HDAC3: variants seen among roughly 807,000 people sequenced by gnomAD.
HDAC3 encodes the protein SMAP45.
In HDAC3, 21 loss-of-function variants were observed where a neutral mutation model predicts 62.3. That is an observed-to-expected ratio of 0.34 (90% CI 0.24 to 0.49). The LOEUF (loss-of-function observed/expected upper bound fraction) is 0.49. Ranked by LOEUF, HDAC3 falls within the 20% of genes least tolerant of loss-of-function variation. HDAC3 has a pLI of 0.99. For synonymous variants in HDAC3, 198 were observed against 206.5 expected (o/e 0.96, Z 0.35); for missense variants, 270 against 556.9 (o/e 0.48, Z 5.19).
chr5:141,622,832 C>G (rs1285437135), intron 14 of HDAC3, among the ~76,000 whole-genome samples: 3 of 151,882 alleles, frequency 2.0e-5, no homozygotes, highest in Middle Eastern at 3.2e-3. Context: ...ACTTAAGTCT[C>G]GCCGGGGGCG....
At chr5:141,623,164 C>T (rs1160343273) in intron 14 of HDAC3, among the ~76,000 whole-genome samples, 1 of 152,102 alleles carries the variant, frequency 6.6e-6, no homozygotes, top group South Asian at 2.1e-4. Context: ...CTCTCTGAGC[C>T]TTAGATTCCT....
chr5:141,630,979 C>T (rs1482963541), intron 3 of HDAC3, among the ~76,000 whole-genome samples: 3 of 151,734 alleles, frequency 2.0e-5, no homozygotes, highest in Non-Finnish European at 4.4e-5. Context: ...GAGCCATCGG[C>T]GCTGGCCCTA....
rs1009208380 is a variant in HDAC3, at chr5:141,625,002, C to A, written c.1217+206G>T. On this transcript the variant is annotated intron_variant, in intron 14 of 14. Transcript: ENST00000305264. The surrounding 1 kb of genome is among the most constrained non-coding windows in gnomAD (Gnocchi z 4.0). The stretch of plus-strand genomic sequence containing the variant: ...GTCTGGGATTGTGTGAACGCCAACA[C>A]CATATTTTGGTGCTGTTTTAAAATT... 3.8e-5 allele frequency: 21 copies of A among 551,514 alleles called. No homozygotes were observed. Among genetic ancestry groups the A allele is most frequent in the Non-Finnish European group, 6.6e-5 (21 of 316,178 alleles). The allele number at this position is 551,514 out of a possible 1,614,324, so 34.2% of individuals were successfully genotyped here.
chr5:141,625,450 A>T lies in HDAC3; in HGVS notation c.1060-85T>A. The stretch of plus-strand genomic sequence containing the variant: ...CTCCTAGCTGCCTTTTACCCCTACC[A>T]TACTGGTTTTCATCTCAGTGGTACC... On this transcript the variant is annotated intron_variant, in intron 13 of 14. Coordinates refer to ENST00000305264, the MANE Select transcript of HDAC3 (RefSeq NM_003883.4). This position sits in a 1 kb window ranked among gnomAD's most constrained non-coding sequence, Gnocchi z 4.0. 6.8e-7 allele frequency: 1 copy of T among 1,479,818 alleles called. No individual in the cohort carries two copies. Among genetic ancestry groups the T allele is most frequent in the Non-Finnish European group, 9.4e-7 (1 of 1,064,616 alleles). 91.7% of individuals were successfully genotyped at this position (1,479,818 alleles called of 1,614,324 possible).
At position 141,624,024 on chromosome 5, in the gene HDAC3, A is replaced by G. The variant is rs2099904069; in HGVS notation, c.1217+1184T>C. On this transcript the variant is annotated intron_variant, in intron 14 of 14. Coordinates refer to ENST00000305264, the MANE Select transcript of HDAC3 (RefSeq NM_003883.4). Reference sequence around the variant, plus strand: ...TTCCATCTACAAATATTTTGTATGTATCTCAGAAAGATAAAGACTTTTAAA... The same window carrying G: ...TTCCATCTACAAATATTTTGTATGTGTCTCAGAAAGATAAAGACTTTTAAA... Among the ~76,000 whole-genome samples, 2 of 150,026 alleles carry G rather than the reference A, an allele frequency of 1.3e-5. 1 individual carries two copies. The highest frequency in any genetic ancestry group is 2.9e-5 in the Non-Finnish European group (2 of 67,820).
At position 141,629,519 on chromosome 5, in the gene HDAC3, A is replaced by G. The variant is rs1025473729; in HGVS notation, c.476+165T>C. On this transcript the variant is annotated intron_variant, in intron 6 of 14. Transcript: ENST00000305264. The surrounding 1 kb of genome is among the most constrained non-coding windows in gnomAD (Gnocchi z 5.3). ...ATGCAGAGAAGGCTGAAATGTGAGC[A>G]GGCAGTAGGGAATCTGCAGCAGTGG... 7 of 888,426 alleles carry G rather than the reference A, an allele frequency of 7.9e-6. No homozygotes were observed. The African/African-American group carries it at 8.3e-5, about 11-fold the overall frequency. The allele number at this position is 888,426 out of a possible 1,614,324, so 55.0% of individuals were successfully genotyped here.
At chr5:141,621,685 T>A in intron 14 of HDAC3, 148 bp from the exon 15 acceptor site, 1 of 640,122 alleles carries the variant, frequency 1.6e-6, no homozygotes, top group Non-Finnish European at 2.8e-6. Flanking sequence ...CATTCACGTA[T>A]CAAATAAACA....
chr5:141,621,590 C>A, intron 14 of HDAC3, 53 bp from the exon 15 acceptor site: 1 of 1,483,526 alleles, frequency 6.7e-7, no homozygotes, highest in Non-Finnish European at 9.4e-7. Flanking sequence ...CTAATCTTCT[C>A]CCAGCACCCT....
In HDAC3 at chr5:141,626,303, G is replaced by A. The variant is rs201545092; in HGVS notation, c.831-20C>T. 4 of 1,594,884 alleles carry A rather than the reference G, an allele frequency of 2.5e-6. No homozygotes were observed. The highest frequency in any genetic ancestry group is 1.1e-5 in the South Asian group (1 of 90,642). On this transcript the variant is annotated intron_variant, in intron 10 of 14. Coordinates refer to ENST00000305264, the MANE Select transcript of HDAC3 (RefSeq NM_003883.4). This position sits in a 1 kb window ranked among gnomAD's most constrained non-coding sequence, Gnocchi z 4.6. ...CATTCCCTGTTAAAAGGAACCAGAGGAAGATGTGGAGGAGGTTATCAAAAG... is the reference window on the plus strand; with the variant it reads ...CATTCCCTGTTAAAAGGAACCAGAGAAAGATGTGGAGGAGGTTATCAAAAG...
In HDAC3 at chr5:141,626,144, C is replaced by T. The variant is rs952816623; in HGVS notation, c.920+50G>A. 2.5e-6 allele frequency: 4 copies of T among 1,604,626 alleles called. No homozygotes were observed. The highest frequency in any genetic ancestry group is 2.6e-6 in the Non-Finnish European group (3 of 1,171,368). Reference sequence around the variant, plus strand: ...GACCCATGTGGCCATATCTGAGGGACACCCTAGCTCACACTGGACAACAGG... The same window carrying T: ...GACCCATGTGGCCATATCTGAGGGATACCCTAGCTCACACTGGACAACAGG... On this transcript the variant is annotated intron_variant, in intron 11 of 14. Coordinates refer to ENST00000305264, the MANE Select transcript of HDAC3 (RefSeq NM_003883.4). The surrounding 1 kb of genome is among the most constrained non-coding windows in gnomAD (Gnocchi z 4.6).
intron 10 of HDAC3, among the ~76,000 whole-genome samples, chr5:141,627,250 T>A (rs1452830260): frequency 2.0e-5 from 3 of 152,182 alleles, no homozygotes; most frequent in Non-Finnish European, 4.4e-5. Context: ...GATTTTGTTT[T>A]TTATTTTCTG....
chr5:141,630,136 G>C lies in HDAC3; in HGVS notation c.282-11C>G. On this transcript the variant is annotated splice_polypyrimidine_tract_variant and intron_variant, in intron 3 of 14. Coordinates refer to ENST00000305264, the MANE Select transcript of HDAC3 (RefSeq NM_003883.4). Reference sequence around the variant, plus strand: ...CCGGGAAACACTGGGCTGCAGGGAAGAGGAACAAGTTGGAACCCTCCTGCC... The same window carrying C: ...CCGGGAAACACTGGGCTGCAGGGAACAGGAACAAGTTGGAACCCTCCTGCC... 6.2e-7 allele frequency: 1 copy of C among 1,613,494 alleles called. No individual in the cohort carries two copies. Among genetic ancestry groups the C allele is most frequent in the Non-Finnish European group, 8.5e-7 (1 of 1,179,944 alleles).
rs2099904373 is a variant in HDAC3, at chr5:141,625,896, G to C, written c.979+117C>G. 2 of 1,279,154 alleles carry C rather than the reference G, an allele frequency of 1.6e-6. No individual in the cohort carries two copies. Among genetic ancestry groups the C allele is most frequent in the Non-Finnish European group, 2.3e-6 (2 of 875,818 alleles). The allele number at this position is 1,279,154 out of a possible 1,614,324, so 79.2% of individuals were successfully genotyped here. A position where few individuals can be genotyped will look rare whatever the true frequency, so the allele number is the denominator to read the frequency against. On this transcript the variant is annotated intron_variant, in intron 12 of 14. Transcript: ENST00000305264. This position sits in a 1 kb window ranked among gnomAD's most constrained non-coding sequence, Gnocchi z 4.0. ...TCTCTTCCCTGCTCTGAGCCCAGGG[G>C]TTTAGTCTGCAGAGCTCTGAGAGTG...
Position 141,622,467 on chromosome 5 carries a change from G to C in HDAC3, c.1218-930C>G, listed in dbSNP as rs530455772. Among the ~76,000 whole-genome samples, 14 of 152,242 alleles carry C rather than the reference G, an allele frequency of 9.2e-5. No individual in the cohort carries two copies. The East Asian group carries it at 2.5e-3, about 27-fold the overall frequency. On this transcript the variant is annotated intron_variant, in intron 14 of 14. Transcript: ENST00000305264. Reference sequence around the variant, plus strand: ...AAAAATACTAAAGTTAGCCGGGTGTGGTGGCACATGCCTGTAATCTCAGCT... The same window carrying C: ...AAAAATACTAAAGTTAGCCGGGTGTCGTGGCACATGCCTGTAATCTCAGCT...
At position 141,625,546 on chromosome 5, in the gene HDAC3, C is replaced by T; in HGVS notation, c.1059+139G>A. On this transcript the variant is annotated intron_variant, in intron 13 of 14. Coordinates refer to ENST00000305264, the MANE Select transcript of HDAC3 (RefSeq NM_003883.4). This position sits in a 1 kb window ranked among gnomAD's most constrained non-coding sequence, Gnocchi z 4.0. Reference sequence around the variant, plus strand: ...CCAACTGCCTCTACTTTAAACTGGACTGCCTCCTAGTCAATAACAGTGACT... The same window carrying T: ...CCAACTGCCTCTACTTTAAACTGGATTGCCTCCTAGTCAATAACAGTGACT... The T allele has an allele frequency of 1.9e-6, 2 of 1,079,854 alleles. No individual in the cohort carries two copies. The highest frequency in any genetic ancestry group is 2.8e-6 in the Non-Finnish European group (2 of 715,924). 66.9% of individuals were successfully genotyped at this position (1,079,854 alleles called of 1,614,324 possible).
In HDAC3 at chr5:141,624,575, A is replaced by AG. The variant is rs2099904191; in HGVS notation, c.1217+632_1217+633insC. 2.0e-5 allele frequency among the ~76,000 whole-genome samples: 3 copies of AG among 150,808 alleles called. No individual in the cohort carries two copies. The South Asian group carries it at 6.3e-4, about 31-fold the overall frequency. On this transcript the variant is annotated intron_variant, in intron 14 of 14. Transcript: ENST00000305264. ...CTGTCTCAAAAAAAAAAAAAAAAAA[A>AG]AAATTAATGCACACAGCCTTTGACC...
In HDAC3 at chr5:141,629,465, G is replaced by A; in HGVS notation, c.477-159C>T. The A allele has an allele frequency of 2.9e-6, 3 of 1,027,534 alleles. No homozygotes were observed. Among genetic ancestry groups the A allele is most frequent in the Non-Finnish European group, 1.4e-6 (1 of 695,170 alleles). The allele number at this position is 1,027,534 out of a possible 1,614,324, so 63.7% of individuals were successfully genotyped here. On this transcript the variant is annotated intron_variant, in intron 6 of 14. Transcript: ENST00000305264. The surrounding 1 kb of genome is among the most constrained non-coding windows in gnomAD (Gnocchi z 5.3). ...AAAGGCAACTGGGGGCTCCAGCCTAGAGGCTAGAGGCAGGGACAGGAGAGG... is the reference window on the plus strand; with the variant it reads ...AAAGGCAACTGGGGGCTCCAGCCTAAAGGCTAGAGGCAGGGACAGGAGAGG...
At chr5:141,632,362 T>C (rs765201630) in intron 3 of HDAC3, among the ~76,000 whole-genome samples, 3 of 152,092 alleles carry the variant, frequency 2.0e-5, no homozygotes, top group Non-Finnish European at 2.9e-5. Context: ...TAAAGGCCTA[T>C]AGTACAATTT....
intron 10 of HDAC3, among the ~76,000 whole-genome samples, chr5:141,627,657 AT>A (rs2099904635): frequency 1.3e-5 from 2 of 152,062 alleles, no homozygotes; most frequent in Admixed American, 1.3e-4. Context: ...TCCTTATTCC[AT>A]CCCCATGATG....
Sources: allele counts gnomAD v4.1 joint callset (sites outside exome capture counted in the v4.1 genomes callset), GRCh38; gene constraint gnomAD v4.1.1; non-coding constraint Gnocchi (gnomAD v3.1); transcripts MANE v1.5; gene names NCBI Gene and HGNC (gene_info 2026-07-23, HGNC 2026-07-21).